Variants in FAR2 observed in about 807,000 individuals in gnomAD.
FAR2 encodes fatty acyl-CoA reductase 2, also known as epididymis secretory protein Li 81.
Under a neutral mutation model 56.0 loss-of-function variants are expected in FAR2, and 19 were observed. The ratio of observed to expected loss-of-function variants is 0.34; its 90% CI spans 0.24 to 0.50. The LOEUF is 0.50. FAR2 is among the 20% of genes least tolerant of loss of function. FAR2 has a pLI of 0.98. For missense variants in FAR2, 508 were observed against 642.2 expected, an observed-to-expected ratio of 0.79 and a Z score of 2.26; for synonymous variants, 219 against 218.8, an observed-to-expected ratio of 1.00 and a Z score of -0.01.
chr12:29,271,653 G>A (rs10843374), intron 2 of FAR2, among the ~76,000 whole-genome samples: 2,727 of 152,212 alleles, frequency 0.018, 85 homozygotes, highest in African/African-American at 0.057. Context: ...AACAGAATAC[G>A]ATTTTGTTAC....
chr12:29,233,358 A>G (rs1947888946), intron 1 of FAR2, among the ~76,000 whole-genome samples: 1 of 152,134 alleles, frequency 6.6e-6, no homozygotes, highest in Admixed American at 6.6e-5. Flanking sequence ...TGCCCTGGTC[A>G]TCTTTTCACA....
chr12:29,237,545 C>T (rs1947960425), intron 1 of FAR2, among the ~76,000 whole-genome samples: 1 of 152,218 alleles, frequency 6.6e-6, no homozygotes, highest in African/African-American at 2.4e-5. Context: ...TTAAGAACTG[C>T]TGCTGCATTC....
rs1476101669 is a variant in FAR2, at chr12:29,334,308, T to C, written c.*514T>C. The C allele has an allele frequency of 1.3e-5, 2 of 152,332 alleles. No homozygotes were observed. Among genetic ancestry groups the C allele is most frequent in the African/African-American group, 4.8e-5 (2 of 41,564 alleles). The allele number at this position is 152,332 out of a possible 1,614,324, so 9.4% of individuals were successfully genotyped here. A position where few individuals can be genotyped will look rare whatever the true frequency, so the allele number is the denominator to read the frequency against. ...CACTGAAAATGTCTCTCTTTCTTTCTATGTTATACCCTGGAGTCCTGGTTG... is the reference window on the plus strand; with the variant it reads ...CACTGAAAATGTCTCTCTTTCTTTCCATGTTATACCCTGGAGTCCTGGTTG... On this transcript the variant is annotated 3_prime_UTR_variant, in exon 12 of 12. Coordinates refer to ENST00000536681, the MANE Select transcript of FAR2 (RefSeq NM_001271783.2).
intron 1 of FAR2, chr12:29,223,546 A>G (rs1332630804): frequency 6.6e-6 from 1 of 152,240 alleles, no homozygotes; most frequent in African/African-American, 2.4e-5. Flanking sequence ...AGATAACCAA[A>G]TTACGTTTCT....
rs115558514 is a variant in FAR2, at chr12:29,296,112, A to G, written c.366-909A>G. ...AGTGGACACCTTACTGAATTATAGT[A>G]CATTTCAGTTTTTTTAAAAAGCTGC... On this transcript the variant is annotated intron_variant, in intron 3 of 11. Transcript: ENST00000536681. Among the ~76,000 whole-genome samples, 965 of 152,338 alleles carry G rather than the reference A, an allele frequency of 6.3e-3. 10 individuals carry two copies. Among genetic ancestry groups the G allele is most frequent in the African/African-American group, 0.022 (913 of 41,582 alleles).
chr12:29,280,872 AT>A (rs1948773681), intron 2 of FAR2: 1 of 152,268 alleles, frequency 6.6e-6, no homozygotes, highest in Admixed American at 6.5e-5. Context: ...GTCACTGGGC[AT>A]CTAACCACAA....
intron 1 of FAR2, among the ~76,000 whole-genome samples, chr12:29,177,989 A>G (rs1284039799): frequency 6.6e-6 from 1 of 152,194 alleles, no homozygotes; most frequent in African/African-American, 2.4e-5. Context: ...GAGCTCAGTG[A>G]CAAGATGGTG....
At chr12:29,206,199 T>C (rs537219040) in intron 1 of FAR2, among the ~76,000 whole-genome samples, 2 of 152,376 alleles carry the variant, frequency 1.3e-5, no homozygotes, top group Non-Finnish European at 2.9e-5. Context: ...GCAGCTTGTC[T>C]TTCATCAGGT....
At chr12:29,321,680 G>T (rs374896100) in intron 9 of FAR2, 115 bp from the exon 10 acceptor site, 2 of 1,178,526 alleles carry the variant, frequency 1.7e-6, no homozygotes, top group South Asian at 1.6e-5. Flanking sequence ...TTTTAATGAG[G>T]AGTGGTAGAC....
At chr12:29,293,219 A>G (rs1027959544) in intron 2 of FAR2, 81 bp from the exon 3 acceptor site, 2 of 1,192,066 alleles carry the variant, frequency 1.7e-6, no homozygotes, top group Admixed American at 2.9e-5. Flanking sequence ...TTTGAGTATA[A>G]TTAAGCAGGT....
chr12:29,236,713 C>A (rs1947948724), intron 1 of FAR2, among the ~76,000 whole-genome samples: 1 of 152,160 alleles, frequency 6.6e-6, no homozygotes, highest in East Asian at 1.9e-4. Flanking sequence ...TCCCTCGACA[C>A]CTGGGGATTA....
chr12:29,316,941 G>C lies in FAR2; in HGVS notation c.1056G>C (p.Trp352Cys). 1 of 1,614,052 alleles carries C rather than the reference G, an allele frequency of 6.2e-7. No homozygotes were observed. The highest frequency in any genetic ancestry group is 8.5e-7 in the Non-Finnish European group (1 of 1,179,982). The change falls in exon 9 of 12, where the codon TGG (tryptophan) becomes TGC (cysteine). Residue 352 changes from tryptophan (W) to cysteine (C), a missense_variant. Transcript: ENST00000536681. Reference sequence around the variant, plus strand: ...GCAACAGCTTCACATCACAGTACTGGAATGCGGTCAGCCACCGGGCCCCTG... The same window carrying C: ...GCAACAGCTTCACATCACAGTACTGCAATGCGGTCAGCCACCGGGCCCCTG... ...FTSNSFTSQY[W>C]NAVSHRAPAI...
In FAR2 at chr12:29,333,745, G is replaced by A; in HGVS notation, c.1499G>A (p.Cys500Tyr). 6.2e-7 allele frequency: 1 copy of A among 1,613,778 alleles called. No homozygotes were observed. Among genetic ancestry groups the A allele is most frequent in the South Asian group, 1.1e-5 (1 of 91,068 alleles). The change falls in exon 12 of 12, where the codon TGT becomes TAT. Residue 500 changes from cysteine (C) to tyrosine (Y), a missense_variant. By Grantham distance (194) the Cys-to-Tyr change is radical. Transcript: ENST00000536681. The stretch of plus-strand genomic sequence containing the variant: ...GTCTGGTTCTTCATTGTAAGCTTCT[G>A]TTATAAATTCCTCTCCTACTTTAGA... ...RNVWFFIVSF[C>Y]YKFLSYFRAS...
intron 1 of FAR2, among the ~76,000 whole-genome samples, chr12:29,221,458 A>G (rs1409619264): frequency 4.6e-5 from 7 of 152,300 alleles, no homozygotes; most frequent in African/African-American, 1.7e-4. Context: ...TGACTGATAT[A>G]TTTGGAAAAC....
At chr12:29,212,065 C>G (rs1030786352) in intron 1 of FAR2, among the ~76,000 whole-genome samples, 33 of 151,676 alleles carry the variant, frequency 2.2e-4, no homozygotes, top group Middle Eastern at 3.2e-3. Flanking sequence ...GAGCAAGACT[C>G]TGTCTCAAAA....
At chr12:29,183,915 C>A (rs1437958278) in intron 1 of FAR2, among the ~76,000 whole-genome samples, 1 of 152,130 alleles carries the variant, frequency 6.6e-6, no homozygotes, top group African/African-American at 2.4e-5. Context: ...ATCTATACCA[C>A]CTCATTATTT....
chr12:29,189,049 A>AT (rs1263498346), intron 1 of FAR2, among the ~76,000 whole-genome samples: 1 of 151,470 alleles, frequency 6.6e-6, no homozygotes, highest in Non-Finnish European at 1.5e-5. Flanking sequence ...TAAAGTTACT[A>AT]TTTTTCCTTC....
chr12:29,199,443 C>CA (rs1264859467), intron 1 of FAR2, among the ~76,000 whole-genome samples: 3 of 151,430 alleles, frequency 2.0e-5, no homozygotes, highest in South Asian at 4.2e-4. Context: ...ACTAAAAATA[C>CA]AAAAAAATTA....
At position 29,264,798 on chromosome 12, in the gene FAR2, C is replaced by T. The variant is rs542969973; in HGVS notation, c.-38-5614C>T. 2.0e-5 allele frequency among the ~76,000 whole-genome samples: 3 copies of T among 151,930 alleles called. No homozygotes were observed. In the South Asian group the frequency reaches 6.2e-4, roughly 32 times the overall value. On this transcript the variant is annotated intron_variant, in intron 1 of 11. Coordinates refer to ENST00000536681, the MANE Select transcript of FAR2 (RefSeq NM_001271783.2). ...AAAAGCTAAACACTCCACCAAGAAA[C>T]TGTTAGAACTGATAAACAAATTCAG... is the stretch of plus-strand genomic sequence containing the variant.
Sources: allele counts gnomAD v4.1 joint callset (sites outside exome capture counted in the v4.1 genomes callset), GRCh38; gene constraint gnomAD v4.1.1; transcripts MANE v1.5; gene names NCBI Gene and HGNC (gene_info 2026-07-23, HGNC 2026-07-21).